The following POF1B variants were observed in gnomAD, a reference collection of about 807,000 sequenced individuals.
POF1B encodes the protein POF1B actin binding protein, also known as protein POF1B.
POF1B carries 53 observed loss-of-function variants against 55.3 expected under a neutral mutation model. The ratio of observed to expected loss-of-function variants is 0.96; its 90% CI spans 0.77 to 1.20. The LOEUF (loss-of-function observed/expected upper bound fraction) is 1.20, where lower values mean the gene tolerates loss of function less well. Among genes scored for constraint, POF1B ranks in the 50% most tolerant of loss-of-function variants. POF1B has a pLI of 0.00. For synonymous variants in POF1B, 188 were observed against 148.3 expected (o/e 1.27, Z -1.95); for missense variants, 478 against 420.5 (o/e 1.14, Z -1.20).
chrX:85,320,136 G>A (rs767457529), intron 7 of POF1B, among the ~76,000 whole-genome samples: 1 of 110,999 alleles, frequency 9.0e-6, no homozygotes, highest in African/African-American at 3.3e-5. Context: ...ATTTCTTTTA[G>A]GTTTTCTACC....
At chrX:85,299,301 T>A (rs1932385736) in intron 15 of POF1B, among the ~76,000 whole-genome samples, 1 of 98,409 alleles carries the variant, frequency 1.0e-5, no homozygotes, top group South Asian at 5.2e-4. Flanking sequence ...TTTTTTTTTT[T>A]TTTTTGAGAC....
chrX:85,349,800 A>C (rs1933342810), intron 5 of POF1B, among the ~76,000 whole-genome samples: 1 of 110,916 alleles, frequency 9.0e-6, no homozygotes, highest in African/African-American at 3.3e-5. Context: ...TGAGACAATA[A>C]ATTTCTGTTG....
Position 85,292,270 on chromosome X carries a change from A to T in POF1B, c.1650-9953T>A, listed in dbSNP as rs181694886. 1.2e-3 allele frequency among the ~76,000 whole-genome samples: 133 copies of T among 112,243 alleles called. 4 individuals carry two copies. The South Asian group carries it at 0.019, about 16-fold the overall frequency. On this transcript the variant is annotated intron_variant, in intron 15 of 16. Transcript: ENST00000262753. ...TTTGTATATGTCTAACCAACCTTGC[A>T]TTCCAGGGATGAAGCCTACTTGATT...
chrX:85,339,019 G>A lies in POF1B; in HGVS notation c.723+6841C>T, dbSNP rs754434418. On this transcript the variant is annotated intron_variant, in intron 6 of 16. Transcript: ENST00000262753. ...TTTTATATCATGTTGTCAAGGGATA[G>A]AGGGTAGAGAAAAAGAAGGGGGGCT... Among the ~76,000 whole-genome samples the A allele has an allele frequency of 5.0e-5, 5 of 99,718 alleles. No individual in the cohort carries two copies. In the East Asian group the frequency reaches 1.5e-3, roughly 30 times the overall value. The allele number at this position is 99,718 out of a possible 115,157, so 86.6% of individuals were successfully genotyped here. A position where few individuals can be genotyped will look rare whatever the true frequency, so the allele number is the denominator to read the frequency against.
At chrX:85,315,191 T>C (rs1376937496) in intron 8 of POF1B, among the ~76,000 whole-genome samples, 1 of 111,924 alleles carries the variant, frequency 8.9e-6, no homozygotes, top group Non-Finnish European at 1.9e-5. Flanking sequence ...TTTCTCTATT[T>C]GATTATTCTA....
At chrX:85,320,496 T>C (rs766185152) in intron 7 of POF1B, among the ~76,000 whole-genome samples, 2 of 109,848 alleles carry the variant, frequency 1.8e-5, no homozygotes, top group South Asian at 7.8e-4. Context: ...GCAGGAAAGA[T>C]CCAAAATTGA....
At chrX:85,326,502 G>T (rs1362169066) in intron 7 of POF1B, among the ~76,000 whole-genome samples, 2 of 110,217 alleles carry the variant, frequency 1.8e-5, no homozygotes, top group Non-Finnish European at 3.8e-5. Flanking sequence ...GCTGGTGGGT[G>T]CTAGACTAGT....
At chrX:85,289,081 C>T (rs1932122679) in intron 15 of POF1B, among the ~76,000 whole-genome samples, 1 of 110,830 alleles carries the variant, frequency 9.0e-6, no homozygotes, top group South Asian at 3.8e-4. Context: ...GGCAGAACAG[C>T]CTGAAGATAA....
intron 14 of POF1B, among the ~76,000 whole-genome samples, chrX:85,303,755 A>G (rs375599087): frequency 8.2e-4 from 91 of 111,233 alleles, no homozygotes; most frequent in African/African-American, 2.4e-3. Context: ...TTGAGATTGA[A>G]TGGGCGTGGT....
chrX:85,315,796 A>T, intron 7 of POF1B, 62 bp from the exon 8 acceptor site: 1 of 877,483 alleles, frequency 1.1e-6, no homozygotes, highest in Non-Finnish European at 1.6e-6. Flanking sequence ...TCATATATAA[A>T]TGCTAGTTTT....
rs1260653341 is a variant in POF1B, at chrX:85,278,550, T to A, written c.*871A>T. On this transcript the variant is annotated 3_prime_UTR_variant, in exon 17 of 17. Coordinates refer to ENST00000262753, the MANE Select transcript of POF1B (RefSeq NM_024921.4). ...ATATTTCTCCCAAGTAGGATAAATC[T>A]ATCAAGTATTTGTTGCTGCTATTTT... The A allele has an allele frequency of 8.9e-6, 1 of 111,750 alleles. No homozygotes were observed. The allele number at this position is 111,750 out of a possible 1,213,427, so 9.2% of individuals were successfully genotyped here.
chrX:85,378,221 A>G (rs568634637), intron 2 of POF1B, among the ~76,000 whole-genome samples: 24 of 111,315 alleles, frequency 2.2e-4, no homozygotes, highest in African/African-American at 6.8e-4. Context: ...AATATGTATT[A>G]CTCCTGATTG....
chrX:85,324,733 A>G (rs1417194545), intron 7 of POF1B, among the ~76,000 whole-genome samples: 1 of 111,409 alleles, frequency 9.0e-6, no homozygotes, highest in East Asian at 2.8e-4. Flanking sequence ...TGATCCTGTC[A>G]TCATGTTGTT....
At chrX:85,310,957 T>A (rs1285196164) in intron 9 of POF1B, among the ~76,000 whole-genome samples, 3 of 111,749 alleles carry the variant, frequency 2.7e-5, no homozygotes, top group African/African-American at 9.7e-5. Context: ...TAAAAGAAAA[T>A]AATTGTCAAC....
At chrX:85,343,652 G>A (rs1933217896) in intron 6 of POF1B, among the ~76,000 whole-genome samples, 1 of 111,086 alleles carries the variant, frequency 9.0e-6, no homozygotes, top group Non-Finnish European at 1.9e-5. Flanking sequence ...TATGGATGAG[G>A]ATGTTGCTGA....
At chrX:85,297,064 C>A (rs1257776937) in intron 15 of POF1B, among the ~76,000 whole-genome samples, 1 of 111,838 alleles carries the variant, frequency 8.9e-6, no homozygotes, top group Non-Finnish European at 1.9e-5. Context: ...GTAATTTTTT[C>A]AATTCCAGAA....
chrX:85,347,620 C>T (rs1258530905), intron 5 of POF1B, among the ~76,000 whole-genome samples: 5 of 110,134 alleles, frequency 4.5e-5, no homozygotes, highest in Non-Finnish European at 9.5e-5. Context: ...AAAATTTTTC[C>T]ATGTATAAAA....
intron 4 of POF1B, among the ~76,000 whole-genome samples, chrX:85,355,605 T>A (rs2147941371): frequency 9.0e-6 from 1 of 111,223 alleles, no homozygotes; most frequent in East Asian, 2.8e-4. Context: ...CTCAAACAAA[T>A]TTACAAGAAA....
chrX:85,367,685 C>A lies in POF1B; in HGVS notation c.357+7G>T, dbSNP rs1482565761. The stretch of plus-strand genomic sequence containing the variant: ...ACAAATCTAATGTAATTCACAACTT[C>A]TTTTACCTGTTCAGTATTTTGGGTT... On this transcript the variant is annotated splice_region_variant and intron_variant, in intron 3 of 16. Coordinates refer to ENST00000262753, the MANE Select transcript of POF1B (RefSeq NM_024921.4). 1.8e-6 allele frequency: 2 copies of A among 1,142,811 alleles called. No individual in the cohort carries two copies. Among genetic ancestry groups the A allele is most frequent in the South Asian group, 1.9e-5 (1 of 53,921 alleles). The allele number at this position is 1,142,811 out of a possible 1,213,427, so 94.2% of individuals were successfully genotyped here.
Sources: gnomAD v4.1 joint callset for allele counts (sites outside exome capture counted in the v4.1 genomes callset) on GRCh38, gnomAD v4.1.1 for gene constraint, MANE v1.5 for transcripts, NCBI Gene and HGNC (gene_info 2026-07-23, HGNC 2026-07-21) for gene names.